Variants in TINAG observed in about 807,000 individuals in gnomAD.
TINAG encodes the protein tubulointerstitial nephritis antigen.
A neutral mutation model predicts 72.7 loss-of-function variants in TINAG; 83 were observed. The observed-to-expected ratio is 1.14, with a 90% CI of 0.96 to 1.37. The LOEUF is 1.37. TINAG is among the 40% of genes most tolerant of loss of function. The pLI is 0.00. For synonymous variants in TINAG, 234 were observed against 189.9 expected (o/e 1.23, Z -1.91); for missense variants, 685 against 576.6 (o/e 1.19, Z -1.93).
chr6:54,333,513 T>C lies in TINAG; in HGVS notation c.624+6597T>C, dbSNP rs181730160. On this transcript the variant is annotated intron_variant, in intron 4 of 10. Transcript: ENST00000259782. ...GGATAGCGTTAGGAGAAATATCTAA[T>C]GTAGATGATGGATTGATGGGTGCAG... Among the ~76,000 whole-genome samples, 457 of 152,078 alleles carry C rather than the reference T, an allele frequency of 3.0e-3. 2 individuals carry two copies. Among genetic ancestry groups the C allele is most frequent in the African/African-American group, 0.011 (437 of 41,502 alleles).
chr6:54,339,853 T>C (rs1359827842), intron 4 of TINAG, among the ~76,000 whole-genome samples: 1 of 152,162 alleles, frequency 6.6e-6, no homozygotes, highest in East Asian at 1.9e-4. Flanking sequence ...CATTTGGTTC[T>C]CAGGTCACTA....
intron 6 of TINAG, 86 bp downstream of exon 6, chr6:54,347,603 C>G: frequency 7.3e-7 from 1 of 1,375,966 alleles, no homozygotes; most frequent in Non-Finnish European, 9.8e-7. Flanking sequence ...AAGATTTTTA[C>G]AAAAAAGTAC....
chr6:54,310,885 CT>C (rs1465574480), intron 1 of TINAG, among the ~76,000 whole-genome samples: 2 of 78,824 alleles, frequency 2.5e-5, no homozygotes, highest in African/African-American at 1.2e-4. Flanking sequence ...TTTTTTCTCT[CT>C]CTATTTCTCT....
chr6:54,327,477 G>A (rs1007226796), intron 4 of TINAG, among the ~76,000 whole-genome samples: 1 of 152,160 alleles, frequency 6.6e-6, no homozygotes, highest in Non-Finnish European at 1.5e-5. Context: ...GATTCCCTCA[G>A]GTGCCTACAC....
chr6:54,377,230 G>A (rs566347224), intron 9 of TINAG, among the ~76,000 whole-genome samples: 1 of 152,132 alleles, frequency 6.6e-6, no homozygotes, highest in Admixed American at 6.6e-5. Context: ...AACCTCAGTA[G>A]GCCAGGTACA....
Position 54,318,750 on chromosome 6 carries a change from T to G in TINAG, c.356-1829T>G, listed in dbSNP as rs1784426352. Among the ~76,000 whole-genome samples, 4 of 152,022 alleles carry G rather than the reference T, an allele frequency of 2.6e-5. No individual in the cohort carries two copies. The South Asian group carries it at 8.3e-4, about 32-fold the overall frequency. ...GTGGGAAATGAGGGATCCGTTGGAG[T>G]TGGGAAGGATTGTAGCAAAGGAGTG... On this transcript the variant is annotated intron_variant, in intron 1 of 10. Transcript: ENST00000259782.
chr6:54,348,189 T>G (rs910393575), intron 6 of TINAG, among the ~76,000 whole-genome samples: 47 of 152,116 alleles, frequency 3.1e-4, no homozygotes, highest in Non-Finnish European at 1.8e-4. Flanking sequence ...GGGTCTGCTA[T>G]AGGACTAGTT....
At chr6:54,353,429 C>A (rs898698057) in intron 8 of TINAG, among the ~76,000 whole-genome samples, 1 of 151,740 alleles carries the variant, frequency 6.6e-6, no homozygotes, top group Admixed American at 6.6e-5. Context: ...GCCAATAGAA[C>A]CCTGAATGAA....
At position 54,312,049 on chromosome 6, in the gene TINAG, T is replaced by G. The variant is rs556082031; in HGVS notation, c.355+3144T>G. 3.9e-5 allele frequency among the ~76,000 whole-genome samples: 6 copies of G among 152,170 alleles called. No individual in the cohort carries two copies. The South Asian group carries it at 8.3e-4, about 21-fold the overall frequency. On this transcript the variant is annotated intron_variant, in intron 1 of 10. Transcript: ENST00000259782. The stretch of plus-strand genomic sequence containing the variant: ...GGATATTTATTTTGTATTGCTTTTT[T>G]TTTGTTTGTTTTTTGTTTTTTGTTT...
chr6:54,313,752 AAAT>A (rs1784311103), intron 1 of TINAG, among the ~76,000 whole-genome samples: 2 of 152,058 alleles, frequency 1.3e-5, no homozygotes, highest in South Asian at 2.1e-4. Context: ...TTGTTAAATT[AAAT>A]AATAATTTAC....
At chr6:54,371,981 G>GT (rs576340253) in intron 9 of TINAG, among the ~76,000 whole-genome samples, 1,141 of 71,432 alleles carry the variant, frequency 0.016, 250 homozygotes, top group East Asian at 0.022. Context: ...TTCAAGTCAT[G>GT]TTTTTTTTTT....
At chr6:54,371,537 T>A (rs1023272810) in intron 9 of TINAG, among the ~76,000 whole-genome samples, 3 of 151,610 alleles carry the variant, frequency 2.0e-5, no homozygotes, top group African/African-American at 7.3e-5. Flanking sequence ...ATCTATAATG[T>A]GATATAATTT....
rs200960046 is a variant in TINAG at position 54,310,759 on chromosome 6, TTC to T, written c.355+1862_355+1863del. Among the ~76,000 whole-genome samples the T allele has an allele frequency of 5.5e-3, 808 of 147,998 alleles. 4 individuals carry two copies. The highest frequency in any genetic ancestry group is 0.028 in the Middle Eastern group (8 of 290). On this transcript the variant is annotated intron_variant, in intron 1 of 10. Transcript: ENST00000259782. ...TTTCTCTCCCTCTTCTCTTTCTTTT[TTC>T]TCTCTCTTTCTCTCCCTTTCTTTCT...
chr6:54,347,306 T>C (rs1438251000), intron 5 of TINAG, 61 bp from the exon 6 acceptor site: 4 of 1,567,162 alleles, frequency 2.6e-6, no homozygotes, highest in African/African-American at 2.7e-5. Flanking sequence ...AAAAGGGTTA[T>C]GTACCTTATT....
intron 9 of TINAG, among the ~76,000 whole-genome samples, chr6:54,372,011 G>A (rs1022837083): frequency 6.1e-5 from 3 of 48,970 alleles, no homozygotes; most frequent in Non-Finnish European, 1.1e-4. Flanking sequence ...TTTTTTTTGA[G>A]ATGGAGTTTT....
chr6:54,356,084 C>A (rs114415820), intron 9 of TINAG, among the ~76,000 whole-genome samples: 1 of 151,916 alleles, frequency 6.6e-6, no homozygotes. Flanking sequence ...CTCAGCATCA[C>A]TGGTCTTTGG....
intron 3 of TINAG, 119 bp downstream of exon 3, chr6:54,321,505 G>A: frequency 6.0e-6 from 4 of 669,466 alleles, no homozygotes; most frequent in South Asian, 5.4e-5. Flanking sequence ...GAGAGAAATA[G>A]GAAGGGAGAT....
At position 54,326,813 on chromosome 6, in the gene TINAG, A is replaced by T. The variant is rs1183163769; in HGVS notation, c.521A>T (p.Gln174Leu). 6.2e-7 allele frequency: 1 copy of T among 1,609,914 alleles called. No individual in the cohort carries two copies. Residue 174 changes from glutamine to leucine, a missense_variant, in exon 4 of 11, where the codon CAG becomes CTG. Transcript: ENST00000259782. ...CATTTGTAAGGCAGATGGACAGCAC[A>T]GAATTACAGCCAATTTTGGGGAATG... ...VNKGDYGWTA[Q>L]NYSQFWGMTL...
chr6:54,328,554 T>G (rs947244444), intron 4 of TINAG, among the ~76,000 whole-genome samples: 5 of 152,078 alleles, frequency 3.3e-5, no homozygotes, highest in African/African-American at 1.2e-4. Context: ...AAAACCAGAA[T>G]GCCTCTTCTT....
Sources: allele counts gnomAD v4.1 joint callset (sites outside exome capture counted in the v4.1 genomes callset), GRCh38; gene constraint gnomAD v4.1.1; transcripts MANE v1.5; gene names NCBI Gene and HGNC (gene_info 2026-07-23, HGNC 2026-07-21).